C2orf76: variants seen among roughly 807,000 people sequenced by gnomAD.
C2orf76 encodes UPF0538 protein C2orf76.
Under a neutral mutation model 16.9 loss-of-function variants are expected in C2orf76, and 23 were observed. That is an observed-to-expected ratio of 1.36 (90% confidence interval 0.98 to 1.93). C2orf76 has a LOEUF of 1.93. Ranked by LOEUF, C2orf76 falls within the 30% of genes most tolerant of loss-of-function variation. The pLI, the probability that C2orf76 is intolerant of heterozygous loss-of-function variation, is 0.00. For missense variants in C2orf76, 152 were observed against 152.6 expected, an observed-to-expected ratio of 1.00 and a Z score of 0.02; for synonymous variants, 48 against 52.3, an observed-to-expected ratio of 0.92 and a Z score of 0.35.
Position 119,333,023 on chromosome 2 carries a change from C to T in C2orf76, c.133+6804G>A, listed in dbSNP as rs546136558. Among the ~76,000 whole-genome samples the T allele has an allele frequency of 4.6e-5, 7 of 152,270 alleles. No homozygotes were observed. The South Asian group carries it at 6.2e-4, about 14-fold the overall frequency. On this transcript the variant is annotated intron_variant, in intron 2 of 5. Coordinates refer to ENST00000334816, the MANE Select transcript of C2orf76 (RefSeq NM_001322331.2). Reference sequence around the variant, plus strand: ...GCTGGGATTACGGTGTGAGCCACCACGCCAGGCCAAGTATTATTTTGTGTA... The same window carrying T: ...GCTGGGATTACGGTGTGAGCCACCATGCCAGGCCAAGTATTATTTTGTGTA...
At chr2:119,321,504 C>A (rs901133142) in intron 2 of C2orf76, among the ~76,000 whole-genome samples, 1 of 152,122 alleles carries the variant, frequency 6.6e-6, no homozygotes, top group Non-Finnish European at 1.5e-5. Context: ...TGGCGCCAGG[C>A]AAGAGGGTCT....
At chr2:119,295,409 T>C in the C2orf76 span, among the ~76,000 whole-genome samples, 1 of 152,242 alleles carries the variant, frequency 6.6e-6, no homozygotes, top group South Asian at 2.1e-4. Context: ...AATGAGGTTG[T>C]TGTGCTTTGC....
chr2:119,351,682 A>T (rs1041615959), intron 1 of C2orf76, among the ~76,000 whole-genome samples: 16 of 152,188 alleles, frequency 1.1e-4, no homozygotes, highest in African/African-American at 3.6e-4. Context: ...TGAGCCTGGG[A>T]GGCAGAGGTT....
downstream of C2orf76, among the ~76,000 whole-genome samples, chr2:119,298,895 A>T (rs1380995969): frequency 1.3e-5 from 2 of 152,182 alleles, no homozygotes; most frequent in African/African-American, 2.4e-5. Context: ...CTACAATAAG[A>T]CTTGCAGAAA....
rs143066865 is a variant in C2orf76 at position 119,363,197 on chromosome 2, G to A, written c.-13+3593C>T. Among the ~76,000 whole-genome samples the A allele has an allele frequency of 2.8e-3, 422 of 152,208 alleles. 1 individual carries two copies. Among genetic ancestry groups the A allele is most frequent in the African/African-American group, 9.7e-3 (404 of 41,530 alleles). On this transcript the variant is annotated intron_variant, in intron 1 of 5. Coordinates refer to ENST00000334816, the MANE Select transcript of C2orf76 (RefSeq NM_001322331.2). The stretch of plus-strand genomic sequence containing the variant: ...CTCAGCACTTTGGGAGGCCGAGACG[G>A]GCGGATCACGAGGTCAGGAGATCGA...
the C2orf76 span, among the ~76,000 whole-genome samples, chr2:119,295,708 T>C: frequency 6.6e-6 from 1 of 152,206 alleles, no homozygotes; most frequent in Non-Finnish European, 1.5e-5. Context: ...TAAGGCAGCA[T>C]TCCCAAAACG....
intron 5 of C2orf76, among the ~76,000 whole-genome samples, chr2:119,308,943 C>G (rs1273669088): frequency 7.3e-6 from 1 of 136,312 alleles, no homozygotes; most frequent in Non-Finnish European, 1.5e-5. Context: ...ACCTTGAACT[C>G]CCTTGGACAA....
chr2:119,309,404 T>TC (rs1678909488), intron 5 of C2orf76, among the ~76,000 whole-genome samples: 3 of 126,304 alleles, frequency 2.4e-5, no homozygotes, highest in Admixed American at 2.3e-4. Context: ...TTTTCTTTTT[T>TC]TTTTTTTTTT....
Position 119,339,831 on chromosome 2 carries a change from C to T in C2orf76, c.129G>A (p.Lys43=). ...AATGGCTTTCACATCTCATACCTTG[C>T]TTTAGAAATACGATAAATTCCTTTA... ...QTVKEFIVFL[K]QDIPLRTNLP... The change falls in exon 2 of 6, where the codon AAG becomes AAA. Residue 43 remains lysine, a synonymous_variant. Transcript: ENST00000334816. 6.3e-7 allele frequency: 1 copy of T among 1,596,034 alleles called. No individual in the cohort carries two copies. The highest frequency in any genetic ancestry group is 8.6e-7 in the Non-Finnish European group (1 of 1,165,248).
intron 2 of C2orf76, among the ~76,000 whole-genome samples, chr2:119,324,583 G>C (rs932168629): frequency 1.3e-5 from 2 of 152,094 alleles, no homozygotes; most frequent in African/African-American, 4.8e-5. Flanking sequence ...ATAGTGCCTG[G>C]TACACAGCAT....
chr2:119,328,339 A>C (rs1679573970), intron 2 of C2orf76, among the ~76,000 whole-genome samples: 1 of 151,978 alleles, frequency 6.6e-6, no homozygotes, highest in Non-Finnish European at 1.5e-5. Context: ...GTGAGCTTTG[A>C]TAGTTTGGGT....
intron 2 of C2orf76, among the ~76,000 whole-genome samples, chr2:119,329,962 T>C (rs1679620302): frequency 6.6e-6 from 1 of 152,082 alleles, no homozygotes; most frequent in Non-Finnish European, 1.5e-5. Flanking sequence ...ATTTTCCTTA[T>C]GCCTGAAGAA....
At chr2:119,312,301 G>A (rs1453584399) in intron 4 of C2orf76, among the ~76,000 whole-genome samples, 1 of 152,164 alleles carries the variant, frequency 6.6e-6, no homozygotes, top group Non-Finnish European at 1.5e-5. Flanking sequence ...AGGCTGGAGT[G>A]CAGTGGCGTG....
chr2:119,312,715 T>C (rs1367867707), intron 4 of C2orf76, among the ~76,000 whole-genome samples: 3 of 151,866 alleles, frequency 2.0e-5, no homozygotes, highest in African/African-American at 4.8e-5. Context: ...GTGAGACTCA[T>C]AAATACAAGT....
the C2orf76 span, among the ~76,000 whole-genome samples, chr2:119,287,981 G>T: frequency 6.6e-6 from 1 of 152,076 alleles, no homozygotes; most frequent in African/African-American, 2.4e-5. Flanking sequence ...TGATGACAGA[G>T]GGCAGTGGTG....
intron 5 of C2orf76, among the ~76,000 whole-genome samples, chr2:119,308,172 T>C (rs1158305711): frequency 6.6e-6 from 1 of 152,208 alleles, no homozygotes; most frequent in African/African-American, 2.4e-5. Context: ...ACATGTAAAC[T>C]GTAGAAAAAT....
intron 1 of C2orf76, among the ~76,000 whole-genome samples, chr2:119,363,186 A>G (rs1331148537): frequency 6.6e-6 from 1 of 152,106 alleles, no homozygotes; most frequent in Non-Finnish European, 1.5e-5. Context: ...GCACTTTGGG[A>G]GGCCGAGACG....
chr2:119,344,662 G>GA (rs1328945650), intron 1 of C2orf76, among the ~76,000 whole-genome samples: 1 of 152,042 alleles, frequency 6.6e-6, no homozygotes. Context: ...CAACAAAAAA[G>GA]AAAAGAGACC....
the C2orf76 span, among the ~76,000 whole-genome samples, chr2:119,286,825 A>G: frequency 4.6e-5 from 7 of 152,080 alleles, no homozygotes; most frequent in Non-Finnish European, 1.0e-4. Context: ...TGGCGGTGGG[A>G]AGGGAAGGGG....
Sources: gnomAD v4.1 joint callset for allele counts (sites outside exome capture counted in the v4.1 genomes callset) on GRCh38, gnomAD v4.1.1 for gene constraint, MANE v1.5 for transcripts, NCBI Gene and HGNC (gene_info 2026-07-23, HGNC 2026-07-21) for gene names.